The following SDCCAG8 variants were observed in gnomAD, a reference collection of about 807,000 sequenced individuals.
The protein encoded by SDCCAG8 is SHH signaling and ciliogenesis regulator SDCCAG8.
SDCCAG8 carries 74 observed loss-of-function variants against 101.8 expected under a neutral mutation model. The ratio of observed to expected loss-of-function variants is 0.73; its 90% confidence interval spans 0.60 to 0.88. The LOEUF (loss-of-function observed/expected upper bound fraction) is 0.88. Among genes scored for constraint, SDCCAG8 ranks in the 40% least tolerant of loss-of-function variants. SDCCAG8 has a pLI of 0.00. For missense variants in SDCCAG8, 787 were observed against 822.6 expected (o/e 0.96, Z 0.53); for synonymous variants, 281 against 292.9 (o/e 0.96, Z 0.41).
intron 13 of SDCCAG8, among the ~76,000 whole-genome samples, chr1:243,382,085 C>T (rs1340674907): frequency 1.3e-5 from 2 of 152,140 alleles, no homozygotes; most frequent in Non-Finnish European, 2.9e-5. Context: ...TGGGAGAAAA[C>T]AGAAACTCTA....
intron 1 of SDCCAG8, chr1:243,267,521 G>GA (rs1218574252): frequency 2.5e-6 from 1 of 396,938 alleles, no homozygotes; most frequent in African/African-American, 2.1e-5. Flanking sequence ...AGAATCGCTT[G>GA]AACCCGAGAG....
intron 13 of SDCCAG8, among the ~76,000 whole-genome samples, chr1:243,402,500 T>C (rs2147976832): frequency 6.6e-6 from 1 of 152,262 alleles, no homozygotes; most frequent in South Asian, 2.1e-4. Context: ...TATTTCAACA[T>C]GTGATTTATA....
chr1:243,315,889 T>A (rs1361733885), intron 8 of SDCCAG8, among the ~76,000 whole-genome samples: 1 of 152,370 alleles, frequency 6.6e-6, no homozygotes, highest in East Asian at 1.9e-4. Context: ...CATACATTTT[T>A]TGCTTTTTAT....
At position 243,443,622 on chromosome 1, in the gene SDCCAG8, G is replaced by A. The variant is rs73120323; in HGVS notation, c.1985+17064G>A. The stretch of plus-strand genomic sequence containing the variant: ...AGCTCTTAATGAGACTGGTATTGTC[G>A]GTCAGGAAATCTAGAACACTGGAGA... On this transcript the variant is annotated intron_variant, in intron 16 of 17. Transcript: ENST00000366541. Among the ~76,000 whole-genome samples, 413 of 152,170 alleles carry A rather than the reference G, an allele frequency of 2.7e-3. 1 individual carries two copies. Among genetic ancestry groups the A allele is most frequent in the African/African-American group, 9.5e-3 (394 of 41,500 alleles).
chr1:243,401,690 G>A (rs2079405814), intron 13 of SDCCAG8, among the ~76,000 whole-genome samples: 3 of 151,812 alleles, frequency 2.0e-5, no homozygotes, highest in South Asian at 4.2e-4. Flanking sequence ...AATTTTAAAT[G>A]TGAATATGTT....
intron 10 of SDCCAG8, among the ~76,000 whole-genome samples, chr1:243,336,040 T>C (rs900925278): frequency 6.6e-6 from 1 of 152,258 alleles, no homozygotes; most frequent in Non-Finnish European, 1.5e-5. Context: ...CAGTCCATTC[T>C]TGATGGGCAC....
chr1:243,272,212 C>G (rs2068149296), intron 3 of SDCCAG8, among the ~76,000 whole-genome samples: 1 of 152,164 alleles, frequency 6.6e-6, no homozygotes, highest in Non-Finnish European at 1.5e-5. Context: ...TGCATAGCAG[C>G]AAGTAACCAC....
intron 13 of SDCCAG8, among the ~76,000 whole-genome samples, chr1:243,412,955 A>G (rs540584952): frequency 6.6e-6 from 1 of 152,250 alleles, no homozygotes; most frequent in South Asian, 2.1e-4. Flanking sequence ...AGAACCTGCA[A>G]GAGAGGAGAG....
rs1271164856 is a variant in SDCCAG8, at chr1:243,256,183, T to A, written c.10T>A (p.Ser4Thr). Residue 4 changes from serine to threonine, a missense_variant, in exon 1 of 18, where the codon TCC (serine) becomes ACC (threonine). Coordinates refer to ENST00000366541, the MANE Select transcript of SDCCAG8 (RefSeq NM_006642.5). MAK[S>T]PENSTLEEIL... ...GGCCTAGAGTGCGTGCATGGCGAAG[T>A]CCCCGGAGAACTCTACCCTGGAGGA... 1 of 1,614,108 alleles carries A rather than the reference T, an allele frequency of 6.2e-7. No homozygotes were observed. The highest frequency in any genetic ancestry group is 1.7e-5 in the Admixed American group (1 of 60,022).
At chr1:243,319,324 ATC>A (rs1384847872) in intron 9 of SDCCAG8, among the ~76,000 whole-genome samples, 7 of 152,012 alleles carry the variant, frequency 4.6e-5, no homozygotes, top group Non-Finnish European at 8.8e-5. Context: ...AATCAATAAA[ATC>A]TCTCAATTGA....
At chr1:243,395,784 T>G (rs899505256) in intron 13 of SDCCAG8, among the ~76,000 whole-genome samples, 1 of 152,118 alleles carries the variant, frequency 6.6e-6, no homozygotes, top group Non-Finnish European at 1.5e-5. Context: ...GTCAGAACTT[T>G]AAGATTTAAA....
chr1:243,337,194 G>A (rs2075068939), intron 10 of SDCCAG8, among the ~76,000 whole-genome samples: 1 of 152,068 alleles, frequency 6.6e-6, no homozygotes, highest in Non-Finnish European at 1.5e-5. Flanking sequence ...ATATGGTAAA[G>A]GGTAAAAGCC....
At chr1:243,340,183 C>T (rs2075302024) in intron 10 of SDCCAG8, among the ~76,000 whole-genome samples, 1 of 152,196 alleles carries the variant, frequency 6.6e-6, no homozygotes, top group Non-Finnish European at 1.5e-5. Flanking sequence ...AATGAGGAAA[C>T]AGACAACTAA....
intron 3 of SDCCAG8, among the ~76,000 whole-genome samples, chr1:243,271,625 C>A (rs12755452): frequency 1.3e-5 from 2 of 151,792 alleles, no homozygotes; most frequent in Non-Finnish European, 2.9e-5. Flanking sequence ...TCACTACAAC[C>A]TCTGCCTCCC....
rs1344468785 is a variant in SDCCAG8, at chr1:243,474,756, G to C, written c.1986-14258G>C. Among the ~76,000 whole-genome samples the C allele has an allele frequency of 2.0e-5, 3 of 152,238 alleles. No individual in the cohort carries two copies. Among genetic ancestry groups the C allele is most frequent in the Non-Finnish European group, 4.4e-5 (3 of 68,042 alleles). Reference sequence around the variant, plus strand: ...GACGCGGCGTGGCAGCGCAGGGCTCGGCTAGATGCGCTCCTCCTCGGACTG... The same window carrying C: ...GACGCGGCGTGGCAGCGCAGGGCTCCGCTAGATGCGCTCCTCCTCGGACTG... On this transcript the variant is annotated intron_variant, in intron 16 of 17. Transcript: ENST00000366541. This position sits in a 1 kb window ranked among gnomAD's most constrained non-coding sequence, Gnocchi z 4.7.
rs543616706 is a variant in SDCCAG8 at position 243,259,127 on chromosome 1, G to A, written c.67+2887G>A. On this transcript the variant is annotated intron_variant, in intron 1 of 17. Transcript: ENST00000366541. ...AAAAGATCTTTTCCTGGGGCCGGGCGTGGTGGCTCACGCCTGTAATCCCAG... is the reference window on the plus strand; with the variant it reads ...AAAAGATCTTTTCCTGGGGCCGGGCATGGTGGCTCACGCCTGTAATCCCAG... Among the ~76,000 whole-genome samples the A allele has an allele frequency of 2.8e-4, 42 of 152,316 alleles. No homozygotes were observed. In the South Asian group the frequency reaches 7.2e-3, roughly 26 times the overall value.
At chr1:243,276,575 T>C (rs1294879284) in intron 4 of SDCCAG8, among the ~76,000 whole-genome samples, 1 of 152,186 alleles carries the variant, frequency 6.6e-6, no homozygotes. Flanking sequence ...ACCTAATAGT[T>C]TCCCTTGTTA....
At position 243,262,555 on chromosome 1, in the gene SDCCAG8, A is replaced by G. The variant is rs565167985; in HGVS notation, c.67+6315A>G. Among the ~76,000 whole-genome samples, 15 of 152,396 alleles carry G rather than the reference A, an allele frequency of 9.8e-5. No homozygotes were observed. In the East Asian group the frequency reaches 1.2e-3, roughly 12 times the overall value. The stretch of plus-strand genomic sequence containing the variant: ...CAACCAGAAAAGAAATGAGTGTTCT[A>G]CAAGTAAATAGTCATCCCTGGAATA... On this transcript the variant is annotated intron_variant, in intron 1 of 17. Coordinates refer to ENST00000366541, the MANE Select transcript of SDCCAG8 (RefSeq NM_006642.5).
rs2067752490 is a variant in SDCCAG8 at position 243,267,838 on chromosome 1, C to A, written c.68-2267C>A. 33 of 1,013,836 alleles carry A rather than the reference C, an allele frequency of 3.3e-5. 1 individual carries two copies. The South Asian group carries it at 3.9e-4, about 12-fold the overall frequency. 62.8% of individuals were successfully genotyped at this position (1,013,836 alleles called of 1,614,324 possible). A position where few individuals can be genotyped will look rare whatever the true frequency, so the allele number is the denominator to read the frequency against. On this transcript the variant is annotated intron_variant, in intron 1 of 17. Coordinates refer to ENST00000366541, the MANE Select transcript of SDCCAG8 (RefSeq NM_006642.5). ...TTATACAAGGGATACACTTGACATG[C>A]AGACAGCCCATCATTGACTGCACTA... is the stretch of plus-strand genomic sequence containing the variant.
Sources: gnomAD v4.1 joint callset for allele counts (sites outside exome capture counted in the v4.1 genomes callset) on GRCh38, gnomAD v4.1.1 for gene constraint, Gnocchi (gnomAD v3.1) non-coding constraint, MANE v1.5 for transcripts, NCBI Gene and HGNC (gene_info 2026-07-23, HGNC 2026-07-21) for gene names.